Variants in ARSG observed in about 807,000 individuals in gnomAD.
ARSG encodes arylsulfatase G, also known as ASG.
Under a neutral mutation model 50.5 loss-of-function variants are expected in ARSG, and 37 were observed. The ratio of observed to expected loss-of-function variants is 0.73; its 90% confidence interval spans 0.56 to 0.96. The LOEUF (loss-of-function observed/expected upper bound fraction) is 0.96. Ranked by LOEUF, ARSG falls within the 50% of genes least tolerant of loss-of-function variation. ARSG has a pLI of 0.00. For synonymous variants in ARSG, 225 were observed against 254.6 expected (o/e 0.88, Z 1.11); for missense variants, 629 against 675.3 (o/e 0.93, Z 0.76).
chr17:68,259,734 C>G (rs1387604119), intron 1 of ARSG, among the ~76,000 whole-genome samples: 4 of 152,144 alleles, frequency 2.6e-5, no homozygotes, highest in Non-Finnish European at 5.9e-5. Flanking sequence ...GTGTTTGTTA[C>G]ACTTGCAGTA....
chr17:68,272,001 C>T (rs1555749074), intron 1 of ARSG, among the ~76,000 whole-genome samples: 1 of 152,174 alleles, frequency 6.6e-6, no homozygotes, highest in African/African-American at 2.4e-5. Context: ...CAGGGTTTCA[C>T]TGTGTTGGCC....
intron 8 of ARSG, among the ~76,000 whole-genome samples, chr17:68,382,838 G>T (rs1363217198): frequency 1.3e-5 from 2 of 152,266 alleles, no homozygotes; most frequent in East Asian, 3.9e-4. Context: ...GATCATTTGG[G>T]TGGCTGGCAT....
intron 1 of ARSG, among the ~76,000 whole-genome samples, chr17:68,269,672 G>GATTTTTTTTT: frequency 1.9e-5 from 1 of 54,010 alleles, no homozygotes; most frequent in Non-Finnish European, 3.1e-5. Context: ...GTTCACTTTA[G>GATTTTTTTTT]GTTTTTTTTT....
the ARSG span, chr17:68,433,331 C>T: frequency 7.6e-4 from 638 of 837,120 alleles, no homozygotes; most frequent in Non-Finnish European, 8.5e-4. Context: ...CTAACACACA[C>T]TCCATCACTT....
chr17:68,370,072 T>C (rs1006070010), intron 7 of ARSG, among the ~76,000 whole-genome samples: 5 of 152,132 alleles, frequency 3.3e-5, no homozygotes, highest in African/African-American at 1.2e-4. Flanking sequence ...TGGAGTGCAG[T>C]GGCAGGATCT....
chr17:68,305,844 CG>C (rs2076585708), intron 1 of ARSG, among the ~76,000 whole-genome samples: 1 of 151,910 alleles, frequency 6.6e-6, no homozygotes, highest in African/African-American at 2.4e-5. Context: ...GAGGCCAAGG[CG>C]GGCAGATCAC....
chr17:68,374,152 G>A, intron 8 of ARSG, among the ~76,000 whole-genome samples: 1 of 106,132 alleles, frequency 9.4e-6, no homozygotes, highest in Admixed American at 1.1e-4. Flanking sequence ...GCGAGACTCT[G>A]TCTCCAAAAA....
intron 1 of ARSG, among the ~76,000 whole-genome samples, chr17:68,265,752 TG>T (rs1568398119): frequency 3.7e-5 from 5 of 135,518 alleles, no homozygotes; most frequent in East Asian, 4.3e-4. Context: ...TAGTGTGTGT[TG>T]TTTTTTTTTT....
chr17:68,435,393 A>G, the ARSG span, among the ~76,000 whole-genome samples: 4 of 152,232 alleles, frequency 2.6e-5, no homozygotes, highest in South Asian at 2.1e-4. Flanking sequence ...GTTTTCATGC[A>G]AAGTGTCTTG....
intron 1 of ARSG, among the ~76,000 whole-genome samples, chr17:68,264,324 A>G (rs1184169596): frequency 6.6e-6 from 1 of 152,226 alleles, no homozygotes; most frequent in East Asian, 1.9e-4. Context: ...AAGGCAAATA[A>G]ATGCTGAAAA....
At chr17:68,365,244 G>A (rs1449955399) in intron 6 of ARSG, among the ~76,000 whole-genome samples, 3 of 152,134 alleles carry the variant, frequency 2.0e-5, no homozygotes, top group African/African-American at 4.8e-5. Context: ...CCTGGGAGGC[G>A]GAGGTTGTAG....
rs782115312 is a variant in ARSG at position 68,307,643 on chromosome 17, C to A, written c.150C>A (p.Asp50Glu). 2 of 1,612,714 alleles carry A rather than the reference C, an allele frequency of 1.2e-6. No individual in the cohort carries two copies. Among genetic ancestry groups the A allele is most frequent in the Non-Finnish European group, 1.7e-6 (2 of 1,178,824 alleles). Reference sequence around the variant, plus strand: ...TGGCCGATGACATGGGGTGGGGTGACCTGGGAGCAAACTGGGCAGAAACAA... The same window carrying A: ...TGGCCGATGACATGGGGTGGGGTGAACTGGGAGCAAACTGGGCAGAAACAA... ...IILADDMGWG[D>E]LGANWAETKD... The change falls in exon 2 of 12, where the codon GAC becomes GAA. Residue 50 changes from aspartate to glutamate, a missense_variant. Asp to Glu is a conservative substitution (Grantham distance 45). Coordinates refer to ENST00000621439, the MANE Select transcript of ARSG (RefSeq NM_001267727.2).
chr17:68,294,905 C>G (rs529189023), intron 1 of ARSG, among the ~76,000 whole-genome samples: 2 of 152,268 alleles, frequency 1.3e-5, no homozygotes, highest in East Asian at 3.9e-4. Context: ...GGGAAACACA[C>G]ACTTCTGGGA....
chr17:68,281,523 C>G (rs568741126), intron 1 of ARSG, among the ~76,000 whole-genome samples: 3 of 151,932 alleles, frequency 2.0e-5, no homozygotes, highest in Non-Finnish European at 4.4e-5. Context: ...TGCAGTGAGC[C>G]GAGATCGTGC....
At chr17:68,297,547 G>T (rs1555758782) in intron 1 of ARSG, among the ~76,000 whole-genome samples, 1 of 152,166 alleles carries the variant, frequency 6.6e-6, no homozygotes, top group Non-Finnish European at 1.5e-5. Context: ...AACAATTCTG[G>T]CAGATTCAGC....
chr17:68,376,060 C>G (rs1045212267), intron 8 of ARSG, among the ~76,000 whole-genome samples: 10 of 152,050 alleles, frequency 6.6e-5, no homozygotes, highest in African/African-American at 2.4e-4. Flanking sequence ...CTGTCTAGTT[C>G]CAAAACACTT....
At chr17:68,407,000 C>G (rs1205006315) in intron 11 of ARSG, among the ~76,000 whole-genome samples, 4 of 152,166 alleles carry the variant, frequency 2.6e-5, no homozygotes, top group Non-Finnish European at 5.9e-5. Context: ...TTTATAGTTT[C>G]AGGTCTTAGA....
chr17:68,422,731 C>CAAAAAAAA (rs71142175), downstream of ARSG: 1 of 66,418 alleles, frequency 1.5e-5, no homozygotes, highest in Admixed American at 2.1e-4. Context: ...TCTATCATCT[C>CAAAAAAAA]AAAAAAAAAA....
At chr17:68,319,103 G>A (rs1555769670) in intron 2 of ARSG, among the ~76,000 whole-genome samples, 1 of 152,176 alleles carries the variant, frequency 6.6e-6, no homozygotes, top group Non-Finnish European at 1.5e-5. Context: ...GTATGGGGAC[G>A]AGGGCAGAAA....
Sources: allele counts gnomAD v4.1 joint callset (sites outside exome capture counted in the v4.1 genomes callset), GRCh38; gene constraint gnomAD v4.1.1; transcripts MANE v1.5; gene names NCBI Gene and HGNC (gene_info 2026-07-23, HGNC 2026-07-21).